The following NEDD4L variants were observed in gnomAD, a reference collection of about 807,000 sequenced individuals.
The protein encoded by NEDD4L is E3 ubiquitin-protein ligase NEDD4-like.
Under a neutral mutation model 148.9 loss-of-function variants are expected in NEDD4L, and 54 were observed. That is an observed-to-expected ratio of 0.36 (90% CI 0.29 to 0.45). The LOEUF (loss-of-function observed/expected upper bound fraction) is 0.45. Ranked by LOEUF, NEDD4L falls within the 20% of genes least tolerant of loss-of-function variation. The probability of loss-of-function intolerance (pLI) is 1.00; values close to 1 mark genes in which losing one functional copy is unlikely to be tolerated. For synonymous variants in NEDD4L, 433 were observed against 440.7 expected (o/e 0.98, Z 0.22); for missense variants, 856 against 1,233.8 (o/e 0.69, Z 4.59).
chr18:58,230,994 T>A (rs2045109331), intron 2 of NEDD4L, among the ~76,000 whole-genome samples: 1 of 152,016 alleles, frequency 6.6e-6, no homozygotes, highest in African/African-American at 2.4e-5. Context: ...ATACCTGTAA[T>A]TCCAACACTG....
intron 13 of NEDD4L, among the ~76,000 whole-genome samples, chr18:58,340,045 C>T (rs993611101): frequency 6.6e-6 from 1 of 152,164 alleles, no homozygotes; most frequent in Non-Finnish European, 1.5e-5. Flanking sequence ...TTAGATTCCC[C>T]TAGGAGCCGT....
At chr18:58,205,498 ATGTG>A (rs59338606) in intron 2 of NEDD4L, among the ~76,000 whole-genome samples, 8 of 147,770 alleles carry the variant, frequency 5.4e-5, no homozygotes, top group African/African-American at 1.7e-4. Flanking sequence ...GTGTGTGTGT[ATGTG>A]TGTGTGTGTG....
chr18:58,162,821 T>A (rs1417892113), intron 1 of NEDD4L, among the ~76,000 whole-genome samples: 1 of 152,098 alleles, frequency 6.6e-6, no homozygotes, highest in African/African-American at 2.4e-5. Flanking sequence ...CCCAGCACTT[T>A]GGGAGACTGA....
rs80031512 is a variant in NEDD4L, at chr18:58,375,364, G to A, written c.2352+2095G>A. ...CCTGTTCTCCAGTGCCCGCCTAGCT[G>A]TGAGCCCCTTATGGACTATTTCTGA... is the stretch of plus-strand genomic sequence containing the variant. On this transcript the variant is annotated intron_variant, in intron 24 of 30. Coordinates refer to ENST00000400345, the MANE Select transcript of NEDD4L (RefSeq NM_001144967.3). 1.3e-3 allele frequency among the ~76,000 whole-genome samples: 199 copies of A among 152,236 alleles called. 1 individual carries two copies. The highest frequency in any genetic ancestry group is 4.5e-3 in the African/African-American group (188 of 41,548).
chr18:58,168,260 C>G (rs1187897718), intron 2 of NEDD4L, among the ~76,000 whole-genome samples: 1 of 152,200 alleles, frequency 6.6e-6, no homozygotes, highest in Non-Finnish European at 1.5e-5. Context: ...TGTAGTTCTT[C>G]AGGGACACAT....
At chr18:58,056,426 G>A (rs2082087176) in intron 1 of NEDD4L, among the ~76,000 whole-genome samples, 1 of 152,180 alleles carries the variant, frequency 6.6e-6, no homozygotes, top group Non-Finnish European at 1.5e-5. Context: ...GTCTCAATTA[G>A]GAAATGTTCA....
rs147854856 is a variant in NEDD4L, at chr18:58,086,376, G to A, written c.48+41668G>A. The stretch of plus-strand genomic sequence containing the variant: ...CAGTAGTGGTTCCCTGCAGGGTGGG[G>A]GCTCTGGATGTGGGTGTGGCAGGGG... On this transcript the variant is annotated intron_variant, in intron 1 of 30. Coordinates refer to ENST00000400345, the MANE Select transcript of NEDD4L (RefSeq NM_001144967.3). 4.7e-4 allele frequency among the ~76,000 whole-genome samples: 72 copies of A among 152,292 alleles called. 1 individual carries two copies. The highest frequency in any genetic ancestry group is 1.7e-3 in the African/African-American group (69 of 41,564).
chr18:58,144,133 C>T (rs1229708273), intron 1 of NEDD4L, among the ~76,000 whole-genome samples: 2 of 150,934 alleles, frequency 1.3e-5, no homozygotes, highest in East Asian at 3.9e-4. Context: ...AAAAAAAGTC[C>T]AATTTAGTCC....
chr18:58,190,064 T>A (rs747822530), intron 2 of NEDD4L: 1 of 152,216 alleles, frequency 6.6e-6, no homozygotes, highest in Non-Finnish European at 1.5e-5. Flanking sequence ...TGCAAACTAT[T>A]AACATTATGT....
intron 5 of NEDD4L, among the ~76,000 whole-genome samples, chr18:58,271,805 C>G (rs960293389): frequency 6.6e-6 from 1 of 152,154 alleles, no homozygotes; most frequent in African/African-American, 2.4e-5. Flanking sequence ...TTTGTTTGAT[C>G]ATTATATTAA....
At chr18:58,158,630 T>TA (rs1237872828) in intron 1 of NEDD4L, among the ~76,000 whole-genome samples, 7 of 152,150 alleles carry the variant, frequency 4.6e-5, no homozygotes, top group African/African-American at 1.7e-4. Flanking sequence ...CTCATATCCT[T>TA]AGGGTGTCTG....
intron 1 of NEDD4L, among the ~76,000 whole-genome samples, chr18:58,073,240 C>T (rs1437894443): frequency 1.3e-5 from 2 of 151,414 alleles, no homozygotes; most frequent in Non-Finnish European, 2.9e-5. Context: ...CAGAAATTAA[C>T]AAGTTTATTT....
rs569986966 is a variant in NEDD4L, at chr18:58,349,654, G to A, written c.1653+40G>A. 5.4e-6 allele frequency: 8 copies of A among 1,493,886 alleles called. No individual in the cohort carries two copies. The South Asian group carries it at 5.7e-5, about 11-fold the overall frequency. 92.5% of individuals were successfully genotyped at this position (1,493,886 alleles called of 1,614,324 possible). On this transcript the variant is annotated intron_variant, in intron 17 of 30. Coordinates refer to ENST00000400345, the MANE Select transcript of NEDD4L (RefSeq NM_001144967.3). ...GACACATGGAATGGTCTGAATATGTGTGTTCCTTTATCCGCTCAATGTTGA... is the reference window on the plus strand; with the variant it reads ...GACACATGGAATGGTCTGAATATGTATGTTCCTTTATCCGCTCAATGTTGA...
intron 5 of NEDD4L, among the ~76,000 whole-genome samples, chr18:58,257,947 A>G (rs1486373542): frequency 6.6e-6 from 1 of 152,200 alleles, no homozygotes; most frequent in African/African-American, 2.4e-5. Context: ...TGTGATTTTG[A>G]AAAGTGAGCG....
chr18:58,360,658 T>A (rs2045340936), intron 19 of NEDD4L, among the ~76,000 whole-genome samples: 1 of 152,226 alleles, frequency 6.6e-6, no homozygotes, highest in Non-Finnish European at 1.5e-5. Context: ...TTCTATTATC[T>A]CTGGTCCTAG....
At chr18:58,058,476 C>G (rs77244579) in intron 1 of NEDD4L, among the ~76,000 whole-genome samples, 3 of 152,196 alleles carry the variant, frequency 2.0e-5, no homozygotes, top group Non-Finnish European at 4.4e-5. Flanking sequence ...CAGTACCTCC[C>G]CATTCCCAGC....
At chr18:58,327,908 G>A (rs887603438) in intron 9 of NEDD4L, among the ~76,000 whole-genome samples, 8 of 150,952 alleles carry the variant, frequency 5.3e-5, no homozygotes, top group African/African-American at 1.5e-4. Flanking sequence ...TTCCCCCAAA[G>A]TATGATTGCC....
chr18:58,129,566 G>T (rs573359828), intron 1 of NEDD4L, among the ~76,000 whole-genome samples: 50 of 152,342 alleles, frequency 3.3e-4, no homozygotes, highest in South Asian at 8.3e-4. Context: ...ACTCTTGCTG[G>T]TGGTGGGTGG....
At chr18:58,229,981 T>C (rs2044922238) in intron 2 of NEDD4L, among the ~76,000 whole-genome samples, 1 of 150,154 alleles carries the variant, frequency 6.7e-6, no homozygotes, top group Non-Finnish European at 1.5e-5. Context: ...AGAGTGAGAC[T>C]CTGTCTCAAA....
Sources: gnomAD v4.1 joint callset for allele counts (sites outside exome capture counted in the v4.1 genomes callset) on GRCh38, gnomAD v4.1.1 for gene constraint, MANE v1.5 for transcripts, NCBI Gene and HGNC (gene_info 2026-07-23, HGNC 2026-07-21) for gene names.